ADAT3: variants seen among roughly 807,000 people sequenced by gnomAD.
The protein encoded by ADAT3 is adenosine deaminase tRNA specific 3.
In ADAT3, 2 loss-of-function variants were observed where a neutral mutation model predicts 3.5. That is an observed-to-expected ratio of 0.57 (90% CI 0.23 to 1.79). ADAT3 has a LOEUF of 1.79. Ranked by LOEUF, ADAT3 falls within the 40% of genes most tolerant of loss-of-function variation. The probability of loss-of-function intolerance (pLI) is 0.18; values close to 1 mark genes in which losing one functional copy is unlikely to be tolerated. For synonymous variants in ADAT3, 358 were observed against 270.3 expected (o/e 1.32, Z -3.18); for missense variants, 735 against 571.4 (o/e 1.29, Z -2.92).
intron 1 of ADAT3, among the ~76,000 whole-genome samples, chr19:1,911,501 C>T (rs929921216): frequency 6.6e-6 from 1 of 152,204 alleles, no homozygotes; most frequent in Non-Finnish European, 1.5e-5. Context: ...AATGACCTGT[C>T]TTGGCTGGGC....
intron 1 of ADAT3, among the ~76,000 whole-genome samples, chr19:1,911,364 G>T (rs534034711): frequency 2.0e-5 from 3 of 152,000 alleles, no homozygotes; most frequent in Non-Finnish European, 4.4e-5. Flanking sequence ...TAGAAATGGG[G>T]TGTTGTTATG....
rs1353959059 is a variant in ADAT3, at chr19:1,908,412, C to A, written c.-159+2973C>A. 2.2e-6 allele frequency: 1 copy of A among 452,370 alleles called. No homozygotes were observed. Among genetic ancestry groups the A allele is most frequent in the Non-Finnish European group, 4.6e-6 (1 of 216,576 alleles). 28.0% of individuals were successfully genotyped at this position (452,370 alleles called of 1,614,324 possible). A position where few individuals can be genotyped will look rare whatever the true frequency, so the allele number is the denominator to read the frequency against. ...GGCGCCCCGGCGGCTGAGGCGTGGA[C>A]CAGGCAGTGCATGTCGAGGAGTAGC... On this transcript the variant is annotated intron_variant, in intron 1 of 1. Transcript: ENST00000329478. This position sits in a 1 kb window ranked among gnomAD's most constrained non-coding sequence, Gnocchi z 4.2.
In ADAT3 at chr19:1,908,929, A is replaced by T. The variant is rs1442819432; in HGVS notation, c.-158-2961A>T. On this transcript the variant is annotated intron_variant, in intron 1 of 1. Transcript: ENST00000329478. The surrounding 1 kb of genome is among the most constrained non-coding windows in gnomAD (Gnocchi z 4.2). ...AGACCAGCCTGGCCAACATGGTGGAACCCCGTCTCTACTGAAAATACAAAA... is the reference window on the plus strand; with the variant it reads ...AGACCAGCCTGGCCAACATGGTGGATCCCCGTCTCTACTGAAAATACAAAA... Among the ~76,000 whole-genome samples the T allele has an allele frequency of 6.6e-6, 1 of 151,808 alleles. No homozygotes were observed. The highest frequency in any genetic ancestry group is 1.5e-5 in the Non-Finnish European group (1 of 67,996).
Position 1,912,584 on chromosome 19 carries a change from G to C in ADAT3, c.537G>C (p.Arg179=), listed in dbSNP as rs1337044430. Residue 179 remains arginine (R), a synonymous_variant, in exon 2 of 2, where the codon CGG becomes CGC. Coordinates refer to ENST00000329478, the MANE Select transcript of ADAT3 (RefSeq NM_138422.4). ...AGGTGACCAGCGCCCTGGCTGGGCG[G>C]CTCTTCTCCACGCAGGAGCGCGCCG... ...DKQVTSALAG[R]LFSTQERAAM... 6.7e-7 allele frequency: 1 copy of C among 1,495,364 alleles called. No homozygotes were observed. Among genetic ancestry groups the C allele is most frequent in the Admixed American group, 2.2e-5 (1 of 45,872 alleles). The allele number at this position is 1,495,364 out of a possible 1,614,324, so 92.6% of individuals were successfully genotyped here. A position where few individuals can be genotyped will look rare whatever the true frequency, so the allele number is the denominator to read the frequency against.
Position 1,912,566 on chromosome 19 carries a change from C to T in ADAT3, c.519C>T (p.Thr173=). The T allele has an allele frequency of 6.7e-7, 1 of 1,498,712 alleles. No individual in the cohort carries two copies. The highest frequency in any genetic ancestry group is 8.8e-7 in the Non-Finnish European group (1 of 1,130,896). The allele number at this position is 1,498,712 out of a possible 1,614,324, so 92.8% of individuals were successfully genotyped here. A position where few individuals can be genotyped will look rare whatever the true frequency, so the allele number is the denominator to read the frequency against. Residue 173 remains threonine (T), a synonymous_variant, in exon 2 of 2, where the codon ACC becomes ACT. Coordinates refer to ENST00000329478, the MANE Select transcript of ADAT3 (RefSeq NM_138422.4). ...CCTTCCACGAGGACAAGCAGGTGAC[C>T]AGCGCCCTGGCTGGGCGGCTCTTCT... ...PTSFHEDKQV[T]SALAGRLFST... is the part of the protein sequence containing the mutation.
Position 1,912,240 on chromosome 19 carries a change from C to T in ADAT3, c.193C>T (p.Pro65Ser). 2 of 1,597,122 alleles carry T rather than the reference C, an allele frequency of 1.3e-6. No individual in the cohort carries two copies. Among genetic ancestry groups the T allele is most frequent in the Non-Finnish European group, 8.5e-7 (1 of 1,174,560 alleles). ...GGAGCTGGTGCTGGCCTACGCCGCG[C>T]CCGTCCTGGACAAGCGCCAGACCTC... ...DVELVLAYAA[P>S]VLDKRQTSRL... Residue 65 changes from proline to serine, a missense_variant, in exon 2 of 2, where the codon CCC (proline) becomes TCC (serine). Pro to Ser is a moderately conservative substitution (Grantham distance 74). Transcript: ENST00000329478.
At position 1,912,654 on chromosome 19, in the gene ADAT3, G is replaced by A. The variant is rs1224037659; in HGVS notation, c.607G>A (p.Ala203Thr). 7.0e-7 allele frequency: 1 copy of A among 1,421,416 alleles called. No individual in the cohort carries two copies. Among genetic ancestry groups the A allele is most frequent in the East Asian group, 3.0e-5 (1 of 33,344 alleles). 88.1% of individuals were successfully genotyped at this position (1,421,416 alleles called of 1,614,324 possible). A position where few individuals can be genotyped will look rare whatever the true frequency, so the allele number is the denominator to read the frequency against. Residue 203 changes from alanine to threonine, a missense_variant, in exon 2 of 2, where the codon GCA (alanine) becomes ACA (threonine). By Grantham distance (58) the Ala-to-Thr change is moderately conservative. Coordinates refer to ENST00000329478, the MANE Select transcript of ADAT3 (RefSeq NM_138422.4). ...GCGGGCGGTGTGGGCGGCCCGGCGGGCAGCAGCGCGGGGCTTGCGGGCCGT... is the reference window on the plus strand; with the variant it reads ...GCGGGCGGTGTGGGCGGCCCGGCGGACAGCAGCGCGGGGCTTGCGGGCCGT... ...MERAVWAARRAAARGLRAVGA... is the reference protein window; with the variant it reads ...MERAVWAARRTAARGLRAVGA...
In ADAT3 at chr19:1,913,085, C is replaced by T. The variant is rs1305006327; in HGVS notation, c.1038C>T (p.Asn346=). 1 of 1,600,690 alleles carries T rather than the reference C, an allele frequency of 6.2e-7. No homozygotes were observed. The highest frequency in any genetic ancestry group is 1.7e-5 in the Admixed American group (1 of 59,574). ...GCATCCACGCACGGCCCGACCTCAA[C>T]CACCGCTTCCAGGTGTTCCGCGGGG... ...RFRIHARPDL[N]HRFQVFRGVL... The change falls in exon 2 of 2, where the codon AAC becomes AAT. Residue 346 remains asparagine (N), a synonymous_variant. Transcript: ENST00000329478.
chr19:1,906,762 A>T (rs2013136417), intron 1 of ADAT3: 2 of 151,838 alleles, frequency 1.3e-5, no homozygotes, highest in Non-Finnish European at 2.9e-5. Context: ...GAGGCAGGAA[A>T]ATGGTGTGAA....
chr19:1,908,875 A>G lies in ADAT3; in HGVS notation c.-158-3015A>G, dbSNP rs1409030324. Among the ~76,000 whole-genome samples the G allele has an allele frequency of 6.6e-6, 1 of 151,618 alleles. No homozygotes were observed. Among genetic ancestry groups the G allele is most frequent in the African/African-American group, 2.4e-5 (1 of 41,224 alleles). On this transcript the variant is annotated intron_variant, in intron 1 of 1. Coordinates refer to ENST00000329478, the MANE Select transcript of ADAT3 (RefSeq NM_138422.4). The surrounding 1 kb of genome is among the most constrained non-coding windows in gnomAD (Gnocchi z 4.2). ...TCCCAGCACTTTGGGAGGCTGAGGC[A>G]GGTGGATCACCTGAGGTCAGGAGTT...
rs2013589689 is a variant in ADAT3 at position 1,913,162 on chromosome 19, C to T, written c.*11C>T. On this transcript the variant is annotated 3_prime_UTR_variant, in exon 2 of 2. Transcript: ENST00000329478. ...GACCCCGACACGTAGGCGCCGCCCT[C>T]CTGCCTCCGGACCCTTCCCGCTCCC... 1 of 1,525,036 alleles carries T rather than the reference C, an allele frequency of 6.6e-7. No individual in the cohort carries two copies. The highest frequency in any genetic ancestry group is 1.4e-5 in the African/African-American group (1 of 72,696). 94.5% of individuals were successfully genotyped at this position (1,525,036 alleles called of 1,614,324 possible).
rs1249800873 is a variant in ADAT3 at position 1,913,153 on chromosome 19, C to G, written c.*2C>G. ...CGCTGGCTGGACCCCGACACGTAGG[C>G]GCCGCCCTCCTGCCTCCGGACCCTT... On this transcript the variant is annotated 3_prime_UTR_variant, in exon 2 of 2. Transcript: ENST00000329478. 1 of 1,535,776 alleles carries G rather than the reference C, an allele frequency of 6.5e-7. No individual in the cohort carries two copies.
rs35608810 is a variant in ADAT3, at chr19:1,908,815, C to T, written c.-158-3075C>T. Among the ~76,000 whole-genome samples, 4 of 152,020 alleles carry T rather than the reference C, an allele frequency of 2.6e-5. No individual in the cohort carries two copies. The East Asian group carries it at 5.8e-4, about 22-fold the overall frequency. ...TGCCCAACTAATTTATACTTTTAAG[C>T]AATGTGGGCTGGGCACGGTGGCTCA... On this transcript the variant is annotated intron_variant, in intron 1 of 1. Transcript: ENST00000329478. This position sits in a 1 kb window ranked among gnomAD's most constrained non-coding sequence, Gnocchi z 4.2.
rs2013248379 is a variant in ADAT3 at position 1,908,325 on chromosome 19, T to C, written c.-159+2886T>C. 2.8e-6 allele frequency: 1 copy of C among 356,728 alleles called. No homozygotes were observed. The highest frequency in any genetic ancestry group is 2.2e-5 in the African/African-American group (1 of 46,272). The allele number at this position is 356,728 out of a possible 1,614,324, so 22.1% of individuals were successfully genotyped here. ...AGCTTCGGGCAGCGCTGGGGCCGCT[T>C]CAGCGTGACCTCCAAGGCCACTGGC... is the stretch of plus-strand genomic sequence containing the variant. On this transcript the variant is annotated intron_variant, in intron 1 of 1. Transcript: ENST00000329478. The surrounding 1 kb of genome is among the most constrained non-coding windows in gnomAD (Gnocchi z 4.2).
Position 1,912,038 on chromosome 19 carries a change from C to A in ADAT3, c.-10C>A. The A allele has an allele frequency of 7.1e-7, 1 of 1,415,972 alleles. No homozygotes were observed. The highest frequency in any genetic ancestry group is 1.5e-5 in the South Asian group (1 of 65,368). The allele number at this position is 1,415,972 out of a possible 1,614,324, so 87.7% of individuals were successfully genotyped here. A position where few individuals can be genotyped will look rare whatever the true frequency, so the allele number is the denominator to read the frequency against. Reference sequence around the variant, plus strand: ...TCCCCGGCTCTCCCCCAGCCGCCCGCAGCCGCCGGATGATCCTCTGCTCCC... The same window carrying A: ...TCCCCGGCTCTCCCCCAGCCGCCCGAAGCCGCCGGATGATCCTCTGCTCCC... On this transcript the variant is annotated 5_prime_UTR_variant, in exon 2 of 2. Transcript: ENST00000329478.
chr19:1,912,893 TA>T lies in ADAT3; in HGVS notation c.849del (p.Lys283AsnfsTer20). The T allele has an allele frequency of 6.2e-7, 1 of 1,606,812 alleles. No individual in the cohort carries two copies. Reference sequence around the variant, plus strand: ...AGGCCGTCCGCGCAGGCGCCGTGCGTAAACTGGACGCAGACGAGGACGGCCT... The same window carrying T: ...AGGCCGTCCGCGCAGGCGCCGTGCGTAACTGGACGCAGACGAGGACGGCCT... ...PQAVRAGAVR[K>X]LDADEDGLPY... On this transcript the variant is annotated frameshift_variant, in exon 2 of 2. Transcript: ENST00000329478. LOFTEE classifies it high-confidence loss of function.
In ADAT3 at chr19:1,913,342, C is replaced by G. The variant is rs2013602763; in HGVS notation, c.*191C>G. 5 of 860,452 alleles carry G rather than the reference C, an allele frequency of 5.8e-6. No individual in the cohort carries two copies. The South Asian group carries it at 9.4e-5, about 16-fold the overall frequency. The allele number at this position is 860,452 out of a possible 1,614,324, so 53.3% of individuals were successfully genotyped here. On this transcript the variant is annotated 3_prime_UTR_variant, in exon 2 of 2. Coordinates refer to ENST00000329478, the MANE Select transcript of ADAT3 (RefSeq NM_138422.4). ...CCTGGACTCGGTCATTGGGGCCACC[C>G]CGTGCCAGCGGTGCCCTTCTGCGGC...
At chr19:1,911,108 C>T in intron 1 of ADAT3, among the ~76,000 whole-genome samples, 1 of 152,080 alleles carries the variant, frequency 6.6e-6, no homozygotes, top group East Asian at 1.9e-4. Flanking sequence ...ATCTCCTGAC[C>T]TTGTGATCCG....
chr19:1,913,031 G>C lies in ADAT3; in HGVS notation c.984G>C (p.Ser328=). 1 of 1,604,138 alleles carries C rather than the reference G, an allele frequency of 6.2e-7. No individual in the cohort carries two copies. The highest frequency in any genetic ancestry group is 8.5e-7 in the Non-Finnish European group (1 of 1,179,102). ...RILRVFYGAP[S]PDGALGTRFR... ...TGCGCGTCTTCTACGGTGCGCCCTC[G>C]CCCGACGGCGCCCTGGGCACCCGCT... is the stretch of plus-strand genomic sequence containing the variant. Residue 328 remains serine, a synonymous_variant, in exon 2 of 2, where the codon TCG becomes TCC. Coordinates refer to ENST00000329478, the MANE Select transcript of ADAT3 (RefSeq NM_138422.4).
Sources: gnomAD v4.1 joint callset for allele counts (sites outside exome capture counted in the v4.1 genomes callset) on GRCh38, gnomAD v4.1.1 for gene constraint, Gnocchi (gnomAD v3.1) non-coding constraint, MANE v1.5 for transcripts, NCBI Gene and HGNC (gene_info 2026-07-23, HGNC 2026-07-21) for gene names.